The following ADRA1A variants were observed in gnomAD, a reference collection of about 807,000 sequenced individuals.
ADRA1A encodes the protein adrenoceptor alpha 1A, also known as alpha-1A adrenergic receptor.
In ADRA1A, 31 loss-of-function variants were observed where a neutral mutation model predicts 29.6. That is an observed-to-expected ratio of 1.05 (90% confidence interval 0.79 to 1.41). ADRA1A has a LOEUF of 1.41. Ranked by LOEUF, ADRA1A falls within the 40% of genes most tolerant of loss-of-function variation. The probability of loss-of-function intolerance (pLI) is 0.00; values close to 1 mark genes in which losing one functional copy is unlikely to be tolerated. For missense variants in ADRA1A, 619 were observed against 601.1 expected (o/e 1.03, Z -0.31); for synonymous variants, 311 against 254.3 (o/e 1.22, Z -2.12).
intron 2 of ADRA1A, among the ~76,000 whole-genome samples, chr8:26,780,503 TTC>T (rs1445831458): frequency 6.6e-6 from 1 of 152,182 alleles, no homozygotes; most frequent in African/African-American, 2.4e-5. Flanking sequence ...ATTTGTCCAA[TTC>T]TCTCTGTCTT....
chr8:26,858,795 C>T (rs1037854261), intron 2 of ADRA1A, among the ~76,000 whole-genome samples: 1 of 152,350 alleles, frequency 6.6e-6, no homozygotes, highest in South Asian at 2.1e-4. Context: ...AACAACTGCA[C>T]ATGGCACCCC....
chr8:26,780,870 C>T (rs1254837514), intron 2 of ADRA1A, among the ~76,000 whole-genome samples: 2 of 152,218 alleles, frequency 1.3e-5, no homozygotes, highest in Non-Finnish European at 2.9e-5. Flanking sequence ...AATCTAATGC[C>T]TGATGATCTG....
rs1807149021 is a variant in ADRA1A, at chr8:26,783,535, T to A, written c.884-12869A>T. Among the ~76,000 whole-genome samples the A allele has an allele frequency of 2.6e-5, 4 of 152,270 alleles. No homozygotes were observed. The South Asian group carries it at 8.3e-4, about 32-fold the overall frequency. On this transcript the variant is annotated intron_variant, in intron 2 of 2. Transcript: ENST00000380573. ...AAGGCCAAAGAATATTCAGAATGAG[T>A]TTCCAACTGTTCCAGAGATAGTGGT...
chr8:26,826,818 A>T (rs1810606723), intron 2 of ADRA1A, among the ~76,000 whole-genome samples: 1 of 152,240 alleles, frequency 6.6e-6, no homozygotes, highest in African/African-American at 2.4e-5. Context: ...GAATTTGACC[A>T]GTAGGAGAGC....
At chr8:26,760,886 G>T (rs1358102950), downstream of ADRA1A, among the ~76,000 whole-genome samples, 3 of 152,158 alleles carry the variant, frequency 2.0e-5, no homozygotes, top group African/African-American at 7.2e-5. Flanking sequence ...GAATCCTCAG[G>T]GTCATCAACT....
intron 2 of ADRA1A, among the ~76,000 whole-genome samples, chr8:26,777,523 G>A (rs370146477): frequency 4.6e-5 from 7 of 152,242 alleles, no homozygotes; most frequent in South Asian, 2.1e-4. Flanking sequence ...ATGTGATTTC[G>A]GTGCCTCTTT....
intron 2 of ADRA1A, chr8:26,858,984 T>G (rs1237627739): frequency 8.9e-7 from 1 of 1,124,482 alleles, no homozygotes; most frequent in Non-Finnish European, 1.1e-6. Flanking sequence ...AACGTGAGAC[T>G]TCTCACAATA....
rs746760038 is a variant in ADRA1A at position 26,864,070 on chromosome 8, G to A, written c.883+17C>T. The A allele has an allele frequency of 6.2e-7, 1 of 1,601,762 alleles. No individual in the cohort carries two copies. ...GAAGACCCCCAGATGCTAAAGTGAGGGGTGTTCAAGACTTACCAATGGGCA... is the reference window on the plus strand; with the variant it reads ...GAAGACCCCCAGATGCTAAAGTGAGAGGTGTTCAAGACTTACCAATGGGCA... On this transcript the variant is annotated intron_variant, in intron 2 of 2. Transcript: ENST00000380573. The surrounding 1 kb of genome is among the most constrained non-coding windows in gnomAD (Gnocchi z 8.1).
chr8:26,789,531 T>A (rs1353247480), intron 2 of ADRA1A, among the ~76,000 whole-genome samples: 1 of 152,116 alleles, frequency 6.6e-6, no homozygotes, highest in Non-Finnish European at 1.5e-5. Flanking sequence ...TTTCAAAACT[T>A]AAATGTAAGA....
intron 2 of ADRA1A, among the ~76,000 whole-genome samples, chr8:26,810,202 A>T (rs143478072): frequency 6.6e-6 from 1 of 152,378 alleles, no homozygotes; most frequent in East Asian, 1.9e-4. Context: ...GTAAATTTTT[A>T]CAAAAGGGTC....
At chr8:26,842,882 CA>C (rs1811932966) in intron 2 of ADRA1A, among the ~76,000 whole-genome samples, 1 of 151,280 alleles carries the variant, frequency 6.6e-6, no homozygotes, top group Non-Finnish European at 1.5e-5. Flanking sequence ...CACACACACA[CA>C]CACACACACA....
In ADRA1A at chr8:26,805,475, C is replaced by A. The variant is rs113902270; in HGVS notation, c.884-34809G>T. Among the ~76,000 whole-genome samples the A allele has an allele frequency of 6.6e-6, 1 of 152,190 alleles. No individual in the cohort carries two copies. The highest frequency in any genetic ancestry group is 1.5e-5 in the Non-Finnish European group (1 of 68,040). ...GTAATACAAGACTGAATACTTACTGCGTGTCCACTCTATGCCCAGTACTTT... is the reference window on the plus strand; with the variant it reads ...GTAATACAAGACTGAATACTTACTGAGTGTCCACTCTATGCCCAGTACTTT... On this transcript the variant is annotated intron_variant, in intron 2 of 2. Transcript: ENST00000380573. The surrounding 1 kb of genome is among the most constrained non-coding windows in gnomAD (Gnocchi z 4.8).
chr8:26,847,600 A>G (rs1226615373), intron 2 of ADRA1A, among the ~76,000 whole-genome samples: 1 of 152,244 alleles, frequency 6.6e-6, no homozygotes, highest in Non-Finnish European at 1.5e-5. Context: ...AATAAGCTAA[A>G]TGTGGATAGC....
chr8:26,818,936 T>C (rs1585756339), intron 2 of ADRA1A, among the ~76,000 whole-genome samples: 1 of 152,266 alleles, frequency 6.6e-6, no homozygotes, highest in Non-Finnish European at 1.5e-5. Flanking sequence ...CAAGAAAGAA[T>C]GGTTGAAAAC....
At chr8:26,828,216 A>C (rs982073742) in intron 2 of ADRA1A, among the ~76,000 whole-genome samples, 1 of 152,218 alleles carries the variant, frequency 6.6e-6, no homozygotes, top group Non-Finnish European at 1.5e-5. Flanking sequence ...AAAATCAGAT[A>C]ATAATACCAC....
At chr8:26,843,469 A>C (rs1811976106) in intron 2 of ADRA1A, among the ~76,000 whole-genome samples, 2 of 152,174 alleles carry the variant, frequency 1.3e-5, no homozygotes, top group Non-Finnish European at 2.9e-5. Flanking sequence ...TGGGCTGATC[A>C]GGGTTGGAGT....
At chr8:26,809,111 G>C (rs1491003809) in intron 2 of ADRA1A, among the ~76,000 whole-genome samples, 1 of 152,128 alleles carries the variant, frequency 6.6e-6, no homozygotes, top group Non-Finnish European at 1.5e-5. Flanking sequence ...GTAAAAAATT[G>C]TTGAATTTAT....
In ADRA1A at chr8:26,865,179, G is replaced by T. The variant is rs969993292; in HGVS notation, c.-210C>A. On this transcript the variant is annotated 5_prime_UTR_variant, in exon 2 of 3. Coordinates refer to ENST00000380573, the MANE Select transcript of ADRA1A (RefSeq NM_000680.4). The surrounding 1 kb of genome is among the most constrained non-coding windows in gnomAD (Gnocchi z 7.6). ...TCAGAAGGCCACATGAAGGGGCAGG[G>T]CATTAAAGACATGGCCAGGGGCGCG... 32 of 1,413,560 alleles carry T rather than the reference G, an allele frequency of 2.3e-5. No individual in the cohort carries two copies. The South Asian group carries it at 4.6e-4, about 20-fold the overall frequency. 87.6% of individuals were successfully genotyped at this position (1,413,560 alleles called of 1,614,324 possible).
At chr8:26,828,190 G>T (rs540013580) in intron 2 of ADRA1A, among the ~76,000 whole-genome samples, 15 of 152,260 alleles carry the variant, frequency 9.9e-5, no homozygotes, top group African/African-American at 3.1e-4. Context: ...CACTGCACCT[G>T]GCCTTTCTTA....
Sources: gnomAD v4.1 joint callset for allele counts (sites outside exome capture counted in the v4.1 genomes callset) on GRCh38, gnomAD v4.1.1 for gene constraint, Gnocchi (gnomAD v3.1) non-coding constraint, MANE v1.5 for transcripts, NCBI Gene and HGNC (gene_info 2026-07-23, HGNC 2026-07-21) for gene names.